Variants in ZNF385B observed in about 807,000 individuals in gnomAD.
The protein encoded by ZNF385B is zinc finger protein 385B.
In ZNF385B, 23 loss-of-function variants were observed where a neutral mutation model predicts 39.2. That is an observed-to-expected ratio of 0.59 (90% confidence interval 0.42 to 0.83). The LOEUF (loss-of-function observed/expected upper bound fraction) is 0.83, where lower values mean the gene tolerates loss of function less well. Among genes scored for constraint, ZNF385B ranks in the 40% least tolerant of loss-of-function variants. The probability of loss-of-function intolerance (pLI) is 0.00; values close to 1 mark genes in which losing one functional copy is unlikely to be tolerated. For missense variants in ZNF385B, 552 were observed against 598.9 expected, an observed-to-expected ratio of 0.92 and a Z score of 0.82; for synonymous variants, 205 against 222.6, an observed-to-expected ratio of 0.92 and a Z score of 0.70.
At chr2:179,859,707 T>C (rs1045183430) in intron 1 of ZNF385B, among the ~76,000 whole-genome samples, 1 of 152,216 alleles carries the variant, frequency 6.6e-6, no homozygotes, top group African/African-American at 2.4e-5. Flanking sequence ...ATATAGAATC[T>C]GAAAAACAAC....
intron 1 of ZNF385B, among the ~76,000 whole-genome samples, chr2:179,782,699 A>G (rs772440465): frequency 1.1e-4 from 16 of 152,216 alleles, no homozygotes; most frequent in Non-Finnish European, 1.8e-4. Flanking sequence ...AGCCAAATTG[A>G]GAGCCAAATC....
intron 3 of ZNF385B, among the ~76,000 whole-genome samples, chr2:179,761,663 C>T (rs565804455): frequency 2.6e-5 from 4 of 151,100 alleles, no homozygotes; most frequent in African/African-American, 9.7e-5. Flanking sequence ...ACTGCAGCCT[C>T]GACCTCTTGA....
intron 5 of ZNF385B, among the ~76,000 whole-genome samples, chr2:179,493,317 AT>A (rs1221091679): frequency 2.6e-5 from 4 of 151,890 alleles, no homozygotes; most frequent in Non-Finnish European, 5.9e-5. Flanking sequence ...GGCATATGGC[AT>A]GTATATGTGT....
At chr2:179,563,534 C>T (rs192449283) in intron 3 of ZNF385B, among the ~76,000 whole-genome samples, 3 of 152,216 alleles carry the variant, frequency 2.0e-5, no homozygotes, top group South Asian at 2.1e-4. Context: ...AGTATATCTG[C>T]TTATGTCAGA....
chr2:179,481,727 A>G (rs1400655089), intron 6 of ZNF385B, among the ~76,000 whole-genome samples: 1 of 152,204 alleles, frequency 6.6e-6, no homozygotes, highest in African/African-American at 2.4e-5. Context: ...AATTTAGATA[A>G]CAAAACCTTT....
chr2:179,466,943 A>AAGAGAGAGAG (rs1553560224), intron 6 of ZNF385B, among the ~76,000 whole-genome samples: 3 of 146,012 alleles, frequency 2.1e-5, no homozygotes, highest in African/African-American at 7.5e-5. Flanking sequence ...AAAAAAAAAA[A>AAGAGAGAGAG]AGAGAGAGAG....
chr2:179,632,887 C>A (rs559018873), intron 3 of ZNF385B, among the ~76,000 whole-genome samples: 1 of 152,266 alleles, frequency 6.6e-6, no homozygotes, highest in Non-Finnish European at 1.5e-5. Flanking sequence ...ACTGATCCCA[C>A]AGAAATACAA....
At chr2:179,472,121 T>G (rs2052842286) in intron 6 of ZNF385B, among the ~76,000 whole-genome samples, 1 of 152,358 alleles carries the variant, frequency 6.6e-6, no homozygotes, top group East Asian at 1.9e-4. Flanking sequence ...TTATGGTTCT[T>G]GATTTATTCT....
At chr2:179,850,597 T>C (rs1192827829) in intron 1 of ZNF385B, among the ~76,000 whole-genome samples, 1 of 152,212 alleles carries the variant, frequency 6.6e-6, no homozygotes, top group Admixed American at 6.5e-5. Context: ...CGGAACCGGA[T>C]GAGGAGGCAC....
intron 3 of ZNF385B, among the ~76,000 whole-genome samples, chr2:179,593,605 G>T (rs546679755): frequency 1.1e-4 from 16 of 152,076 alleles, no homozygotes; most frequent in Non-Finnish European, 2.1e-4. Flanking sequence ...GAGTACACAG[G>T]TACTCAAGTA....
At chr2:179,443,536 T>C (rs2049169001) in intron 9 of ZNF385B, 68 bp from the exon 10 acceptor site, 2 of 1,204,688 alleles carry the variant, frequency 1.7e-6, no homozygotes, top group Middle Eastern at 2.3e-4. Flanking sequence ...CACAGGCATC[T>C]TTTCATAAGT....
At position 179,761,772 on chromosome 2, in the gene ZNF385B, T is replaced by C. The variant is rs951815972; in HGVS notation, c.298+7731A>G. Among the ~76,000 whole-genome samples, 323 of 149,700 alleles carry C rather than the reference T, an allele frequency of 2.2e-3. 1 individual carries two copies. The highest frequency in any genetic ancestry group is 7.4e-3 in the African/African-American group (302 of 41,054). ...ATTTTTTTTCTTTTCTTTTTTTTTT[T>C]TTTTTTTTTGCTTTTTAGAGACAGG... On this transcript the variant is annotated intron_variant, in intron 3 of 9. Coordinates refer to ENST00000410066, the MANE Select transcript of ZNF385B (RefSeq NM_152520.6).
chr2:179,447,823 G>A (rs2049657208), intron 6 of ZNF385B, among the ~76,000 whole-genome samples: 1 of 152,162 alleles, frequency 6.6e-6, no homozygotes, highest in Admixed American at 6.5e-5. Flanking sequence ...CAACAGCAAT[G>A]TGGTGTGTGT....
At chr2:179,494,104 C>T (rs1327019527) in intron 5 of ZNF385B, among the ~76,000 whole-genome samples, 3 of 151,722 alleles carry the variant, frequency 2.0e-5, no homozygotes, top group Admixed American at 6.6e-5. Flanking sequence ...TATGGTGTAA[C>T]GTGCCATTTT....
intron 5 of ZNF385B, among the ~76,000 whole-genome samples, chr2:179,495,111 C>A (rs1342195588): frequency 1.3e-5 from 2 of 152,110 alleles, no homozygotes; most frequent in Non-Finnish European, 2.9e-5. Context: ...CGGGACCTGC[C>A]TTGTGCCAGA....
intron 3 of ZNF385B, among the ~76,000 whole-genome samples, chr2:179,608,737 C>T (rs540572987): frequency 1.3e-5 from 2 of 151,992 alleles, no homozygotes; most frequent in South Asian, 4.2e-4. Context: ...TTAACAAGCC[C>T]CTAAGTGATG....
At position 179,851,858 on chromosome 2, in the gene ZNF385B, A is replaced by G. The variant is rs373991376; in HGVS notation, c.-155+9243T>C. On this transcript the variant is annotated intron_variant, in intron 1 of 9. Coordinates refer to ENST00000410066, the MANE Select transcript of ZNF385B (RefSeq NM_152520.6). ...TGCTATAATTCTTAATAATTTCTTA[A>G]TAATTCAGAAATGTGATTTCAAGAA... Among the ~76,000 whole-genome samples the G allele has an allele frequency of 2.4e-4, 37 of 152,330 alleles. 1 individual carries two copies. In the South Asian group the frequency reaches 7.5e-3, roughly 31 times the overall value.
chr2:179,626,788 T>C (rs1038901037), intron 3 of ZNF385B, among the ~76,000 whole-genome samples: 7 of 152,254 alleles, frequency 4.6e-5, no homozygotes, highest in Admixed American at 3.3e-4. Context: ...TTTCATGAAC[T>C]GAGACGTTGT....
chr2:179,731,018 T>C (rs17823821), intron 3 of ZNF385B, among the ~76,000 whole-genome samples: 12,994 of 152,262 alleles, frequency 0.085, 631 homozygotes, highest in Non-Finnish European at 0.11. Context: ...CATGTTAACA[T>C]AGATTAAGGC....
Sources: allele counts gnomAD v4.1 joint callset (sites outside exome capture counted in the v4.1 genomes callset), GRCh38; gene constraint gnomAD v4.1.1; transcripts MANE v1.5; gene names NCBI Gene and HGNC (gene_info 2026-07-23, HGNC 2026-07-21).